The following DCC variants were observed in gnomAD, a reference collection of about 807,000 sequenced individuals.
DCC encodes DCC netrin 1 receptor.
In DCC, 58 loss-of-function variants were observed where a neutral mutation model predicts 172.5. The ratio of observed to expected loss-of-function variants is 0.34; its 90% CI spans 0.27 to 0.42. The LOEUF (loss-of-function observed/expected upper bound fraction) is 0.42, where lower values mean the gene tolerates loss of function less well. DCC is among the 10% of genes least tolerant of loss of function. The probability of loss-of-function intolerance (pLI) is 1.00; values close to 1 mark genes in which losing one functional copy is unlikely to be tolerated. For missense variants in DCC, 1,740 were observed against 1,791.0 expected, an observed-to-expected ratio of 0.97 and a Z score of 0.51; for synonymous variants, 709 against 644.5, an observed-to-expected ratio of 1.10 and a Z score of -1.52.
At chr18:53,126,885 C>T (rs2043564863) in intron 7 of DCC, among the ~76,000 whole-genome samples, 1 of 152,074 alleles carries the variant, frequency 6.6e-6, no homozygotes, top group Admixed American at 6.6e-5. Flanking sequence ...TGAGGTTATG[C>T]TGTCTACTTC....
chr18:53,179,195 C>A (rs1242819472), intron 9 of DCC, 79 bp downstream of exon 9: 14 of 1,409,070 alleles, frequency 9.9e-6, no homozygotes, highest in Non-Finnish European at 1.3e-5. Flanking sequence ...TTCACAGAAC[C>A]TTTGCGAAGT....
chr18:53,495,418 A>C (rs1399251651), intron 26 of DCC, among the ~76,000 whole-genome samples: 1 of 151,696 alleles, frequency 6.6e-6, no homozygotes, highest in African/African-American at 2.4e-5. Flanking sequence ...AAAGAAAGAA[A>C]ATTCTTTAAG....
At chr18:53,106,357 G>T (rs2043247500) in intron 7 of DCC, among the ~76,000 whole-genome samples, 1 of 151,826 alleles carries the variant, frequency 6.6e-6, no homozygotes, top group South Asian at 2.1e-4. Flanking sequence ...TTGCTTACTT[G>T]CCTGCCTGGT....
chr18:52,854,259 G>C (rs896476602), intron 2 of DCC, among the ~76,000 whole-genome samples: 3 of 152,018 alleles, frequency 2.0e-5, no homozygotes, highest in African/African-American at 7.2e-5. Flanking sequence ...ATTTATTCAA[G>C]GCCCATTTAT....
At chr18:52,640,044 G>A (rs1428156668) in intron 1 of DCC, among the ~76,000 whole-genome samples, 7 of 152,160 alleles carry the variant, frequency 4.6e-5, no homozygotes, top group African/African-American at 1.7e-4. Context: ...TACCAGGGAT[G>A]CAGGGATGGT....
rs148659249 is a variant in DCC at position 53,030,175 on chromosome 18, G to T, written c.986-33130G>T. 5.4e-3 allele frequency among the ~76,000 whole-genome samples: 820 copies of T among 152,266 alleles called. 6 individuals are homozygous for T. The highest frequency in any genetic ancestry group is 0.019 in the African/African-American group (774 of 41,552). ...ATGGAGATGGTCTCCAGGAAACTTA[G>T]GCTTTCAGCCAATTATTATCCCCCC... On this transcript the variant is annotated intron_variant, in intron 5 of 28. Coordinates refer to ENST00000442544, the MANE Select transcript of DCC (RefSeq NM_005215.4).
chr18:53,447,684 G>A (rs151274487), intron 22 of DCC, among the ~76,000 whole-genome samples: 11 of 152,096 alleles, frequency 7.2e-5, no homozygotes, highest in Admixed American at 5.9e-4. Context: ...AAATCTATGA[G>A]ATCCCTAACT....
At chr18:52,995,270 G>T (rs535256261) in intron 5 of DCC, among the ~76,000 whole-genome samples, 2 of 152,022 alleles carry the variant, frequency 1.3e-5, no homozygotes, top group African/African-American at 4.8e-5. Flanking sequence ...TTTGTGGCAC[G>T]TGTCAGGCTT....
At chr18:53,168,040 C>A (rs925564968) in intron 8 of DCC, among the ~76,000 whole-genome samples, 3 of 151,896 alleles carry the variant, frequency 2.0e-5, no homozygotes, top group African/African-American at 7.3e-5. Context: ...GTTAGAATGG[C>A]GATTATTAAA....
chr18:52,691,756 C>CG (rs2035933047), intron 1 of DCC, among the ~76,000 whole-genome samples: 1 of 152,104 alleles, frequency 6.6e-6, no homozygotes, highest in Non-Finnish European at 1.5e-5. Flanking sequence ...CACCATTGTA[C>CG]GGGGCACAGT....
intron 1 of DCC, among the ~76,000 whole-genome samples, chr18:52,628,660 C>A (rs764097597): frequency 2.6e-5 from 4 of 152,220 alleles, no homozygotes; most frequent in Non-Finnish European, 5.9e-5. Context: ...AGCTCCAGAG[C>A]CCTGGGAGAA....
intron 2 of DCC, among the ~76,000 whole-genome samples, chr18:52,763,819 C>A (rs987284290): frequency 6.6e-6 from 1 of 152,156 alleles, no homozygotes; most frequent in Non-Finnish European, 1.5e-5. Context: ...ATGAGATTAT[C>A]TGATTATCCT....
At chr18:53,023,827 G>A (rs1034291099) in intron 5 of DCC, among the ~76,000 whole-genome samples, 8 of 152,138 alleles carry the variant, frequency 5.3e-5, no homozygotes, top group Middle Eastern at 6.3e-3. Context: ...GACAGCTGCT[G>A]TATGATCTGC....
intron 1 of DCC, among the ~76,000 whole-genome samples, chr18:52,354,416 T>C (rs1984267906): frequency 6.6e-6 from 1 of 152,184 alleles, no homozygotes; most frequent in African/African-American, 2.4e-5. Flanking sequence ...GAATATCTGA[T>C]TGGAGGTTTA....
At chr18:52,877,067 A>G (rs928393452) in intron 2 of DCC, among the ~76,000 whole-genome samples, 2 of 152,216 alleles carry the variant, frequency 1.3e-5, no homozygotes, top group Non-Finnish European at 2.9e-5. Context: ...CTGAAATTCA[A>G]ATTTAACTGG....
At chr18:52,977,800 G>A (rs1343621818) in intron 5 of DCC, among the ~76,000 whole-genome samples, 1 of 151,134 alleles carries the variant, frequency 6.6e-6, no homozygotes, top group African/African-American at 2.4e-5. Flanking sequence ...CAGGAGAATG[G>A]CATGAACCCA....
intron 13 of DCC, among the ~76,000 whole-genome samples, chr18:53,310,036 T>C (rs1251014574): frequency 6.7e-6 from 1 of 150,248 alleles, no homozygotes; most frequent in Non-Finnish European, 1.5e-5. Flanking sequence ...CAGCATCATA[T>C]ACTTAAAATT....
chr18:53,062,066 T>C (rs919469860), intron 5 of DCC, among the ~76,000 whole-genome samples: 5 of 152,088 alleles, frequency 3.3e-5, no homozygotes, highest in Admixed American at 3.3e-4. Flanking sequence ...AGCCTTATAC[T>C]AATATCATCA....
At chr18:53,415,491 G>GA (rs1004411756) in intron 20 of DCC, among the ~76,000 whole-genome samples, 114 of 150,190 alleles carry the variant, frequency 7.6e-4, no homozygotes, top group African/African-American at 1.7e-3. Flanking sequence ...CTGGTTAGCA[G>GA]AAAAAAAAAG....
Sources: allele counts gnomAD v4.1 joint callset (sites outside exome capture counted in the v4.1 genomes callset), GRCh38; gene constraint gnomAD v4.1.1; transcripts MANE v1.5; gene names NCBI Gene and HGNC (gene_info 2026-07-23, HGNC 2026-07-21).